Variants in GMDS observed in about 807,000 individuals in gnomAD.
The protein encoded by GMDS is GDP-mannose 4,6-dehydratase.
A neutral mutation model predicts 49.9 loss-of-function variants in GMDS; 20 were observed. The observed-to-expected ratio is 0.40, with a 90% CI of 0.28 to 0.58. The LOEUF (loss-of-function observed/expected upper bound fraction) is 0.58, where lower values mean the gene tolerates loss of function less well. GMDS is among the 20% of genes least tolerant of loss of function. The pLI, the probability that GMDS is intolerant of heterozygous loss-of-function variation, is 0.42. For synonymous variants in GMDS, 177 were observed against 178.6 expected (o/e 0.99, Z 0.07); for missense variants, 362 against 481.4 (o/e 0.75, Z 2.32).
intron 7 of GMDS, among the ~76,000 whole-genome samples, chr6:1,838,173 T>G (rs544346965): frequency 6.6e-6 from 1 of 152,262 alleles, no homozygotes. Context: ...CCAACTCAGC[T>G]CCTACAACAT....
At chr6:2,054,623 T>A (rs1314896424) in intron 4 of GMDS, among the ~76,000 whole-genome samples, 1 of 152,112 alleles carries the variant, frequency 6.6e-6, no homozygotes, top group East Asian at 1.9e-4. Flanking sequence ...ATTCTGTGTA[T>A]AAACTCTGCC....
chr6:2,218,771 C>A (rs892671877), intron 1 of GMDS, among the ~76,000 whole-genome samples: 1 of 152,106 alleles, frequency 6.6e-6, no homozygotes, highest in Admixed American at 6.6e-5. Context: ...AGCTATGTTA[C>A]GTGCCAACAA....
At chr6:2,199,793 C>T (rs1276893885) in intron 1 of GMDS, among the ~76,000 whole-genome samples, 2 of 152,130 alleles carry the variant, frequency 1.3e-5, no homozygotes, top group Non-Finnish European at 2.9e-5. Context: ...AAAAGCAGAA[C>T]ACTTGTCTGC....
At chr6:1,866,987 A>C (rs1758472786) in intron 7 of GMDS, among the ~76,000 whole-genome samples, 1 of 152,262 alleles carries the variant, frequency 6.6e-6, no homozygotes, top group Non-Finnish European at 1.5e-5. Context: ...ATTTTTAAAA[A>C]GTTAAAACAA....
intron 4 of GMDS, among the ~76,000 whole-genome samples, chr6:1,975,807 TCA>T (rs1313868356): frequency 6.6e-6 from 1 of 152,136 alleles, no homozygotes; most frequent in Admixed American, 6.5e-5. Context: ...CTGAATATCC[TCA>T]GTTTCCTAAA....
chr6:1,669,847 A>C (rs2113275606), intron 9 of GMDS, among the ~76,000 whole-genome samples: 1 of 129,668 alleles, frequency 7.7e-6, no homozygotes, highest in East Asian at 2.7e-4. Flanking sequence ...TGGGAGGCGG[A>C]GGTTGGAGTG....
chr6:1,724,742 C>T (rs79316764), intron 9 of GMDS, among the ~76,000 whole-genome samples: 1 of 152,154 alleles, frequency 6.6e-6, no homozygotes. Flanking sequence ...GGGCTCCAGT[C>T]GGCAGTCCCT....
At chr6:2,242,162 T>C (rs897912064) in intron 1 of GMDS, among the ~76,000 whole-genome samples, 3 of 152,222 alleles carry the variant, frequency 2.0e-5, no homozygotes, top group Non-Finnish European at 4.4e-5. Flanking sequence ...ACACTGAGAC[T>C]CACCTTAAAA....
At chr6:1,732,235 G>A (rs1986204) in intron 8 of GMDS, among the ~76,000 whole-genome samples, 125,590 of 151,426 alleles carry the variant, frequency 0.83, 52,598 homozygotes, top group East Asian at 1. Flanking sequence ...GCTGAGGCAG[G>A]AGAATCGCTT....
chr6:2,004,990 T>C (rs545690853), intron 4 of GMDS, among the ~76,000 whole-genome samples: 35 of 152,296 alleles, frequency 2.3e-4, no homozygotes, highest in Middle Eastern at 3.4e-3. Flanking sequence ...TAAGGGTGAT[T>C]TGCAATGAGT....
intron 7 of GMDS, among the ~76,000 whole-genome samples, chr6:1,863,490 G>A (rs1245532366): frequency 6.6e-6 from 1 of 152,090 alleles, no homozygotes; most frequent in African/African-American, 2.4e-5. Flanking sequence ...TTGTGTGTGT[G>A]CGTGCATGTG....
At chr6:1,863,136 C>T (rs141367635) in intron 7 of GMDS, among the ~76,000 whole-genome samples, 7 of 152,168 alleles carry the variant, frequency 4.6e-5, no homozygotes, top group African/African-American at 1.4e-4. Context: ...TCTGTTGCAT[C>T]GATGGTTTTT....
intron 1 of GMDS, among the ~76,000 whole-genome samples, chr6:2,223,358 T>A (rs1581820592): frequency 6.6e-6 from 1 of 151,606 alleles, no homozygotes; most frequent in African/African-American, 2.4e-5. Context: ...ACTGGAGAGT[T>A]TACACTCCCC....
chr6:1,660,485 C>T (rs1042553006), intron 9 of GMDS, among the ~76,000 whole-genome samples: 3 of 151,826 alleles, frequency 2.0e-5, no homozygotes, highest in African/African-American at 7.3e-5. Context: ...ACTGCAGACA[C>T]GGGATGAGTT....
chr6:1,959,057 G>A (rs1211771828), intron 6 of GMDS, among the ~76,000 whole-genome samples: 3 of 152,178 alleles, frequency 2.0e-5, no homozygotes, highest in South Asian at 4.1e-4. Context: ...AAAAATACCT[G>A]ATAATACTTC....
chr6:1,989,992 G>A (rs1581473104), intron 4 of GMDS, among the ~76,000 whole-genome samples: 1 of 152,230 alleles, frequency 6.6e-6, no homozygotes, highest in Non-Finnish European at 1.5e-5. Flanking sequence ...TTCCACGTAG[G>A]TGCTTAAGAA....
chr6:1,729,449 T>C (rs553161507), intron 8 of GMDS, among the ~76,000 whole-genome samples: 6 of 152,192 alleles, frequency 3.9e-5, no homozygotes, highest in African/African-American at 9.7e-5. Flanking sequence ...TATAGCTACA[T>C]TGAATGAGCA....
chr6:1,743,129 G>T (rs1767339289), intron 7 of GMDS, among the ~76,000 whole-genome samples: 1 of 152,122 alleles, frequency 6.6e-6, no homozygotes, highest in African/African-American at 2.4e-5. Flanking sequence ...ATCATTAATG[G>T]AAAAACAACC....
At chr6:2,083,420 C>A (rs1289655580) in intron 4 of GMDS, among the ~76,000 whole-genome samples, 1 of 152,136 alleles carries the variant, frequency 6.6e-6, no homozygotes, top group Non-Finnish European at 1.5e-5. Flanking sequence ...AACACAAAAA[C>A]CATAAATACA....
Sources: gnomAD v4.1 joint callset for allele counts (sites outside exome capture counted in the v4.1 genomes callset) on GRCh38, gnomAD v4.1.1 for gene constraint, MANE v1.5 for transcripts, NCBI Gene and HGNC (gene_info 2026-07-23, HGNC 2026-07-21) for gene names.